Variants in PDE3A observed in about 807,000 individuals in gnomAD.
The protein encoded by PDE3A is cGMP-inhibited 3',5'-cyclic phosphodiesterase 3A.
PDE3A carries 43 observed loss-of-function variants against 98.3 expected under a neutral mutation model. The ratio of observed to expected loss-of-function variants is 0.44; its 90% CI spans 0.34 to 0.56. PDE3A has a LOEUF of 0.56. PDE3A is among the 20% of genes least tolerant of loss of function. The pLI is 0.01. For missense variants in PDE3A, 1,427 were observed against 1,440.7 expected, an observed-to-expected ratio of 0.99 and a Z score of 0.15; for synonymous variants, 663 against 567.9, an observed-to-expected ratio of 1.17 and a Z score of -2.38.
At chr12:20,551,029 T>C (rs902384699) in intron 1 of PDE3A, among the ~76,000 whole-genome samples, 1 of 150,676 alleles carries the variant, frequency 6.6e-6, no homozygotes, top group African/African-American at 2.4e-5. Context: ...ACAATGTGTA[T>C]AAATATATAT....
chr12:20,400,500 T>G (rs1274795209), intron 1 of PDE3A, among the ~76,000 whole-genome samples: 1 of 146,948 alleles, frequency 6.8e-6, no homozygotes, highest in Non-Finnish European at 1.5e-5. Flanking sequence ...TCCACCTCCC[T>G]GGTTCACACC....
intron 10 of PDE3A, among the ~76,000 whole-genome samples, chr12:20,643,766 T>G (rs1004763860): frequency 7.9e-5 from 12 of 152,202 alleles, no homozygotes; most frequent in South Asian, 2.1e-4. Context: ...CTTCTTGTAT[T>G]TTCGGCACTA....
At chr12:20,429,870 T>A (rs1044834090) in intron 1 of PDE3A, among the ~76,000 whole-genome samples, 1 of 150,082 alleles carries the variant, frequency 6.7e-6, no homozygotes, top group African/African-American at 2.5e-5. Context: ...TTTTTTTTTT[T>A]ATGTCATTTT....
chr12:20,678,113 G>A (rs1188511496), intron 15 of PDE3A, among the ~76,000 whole-genome samples: 1 of 152,134 alleles, frequency 6.6e-6, no homozygotes, highest in African/African-American at 2.4e-5. Flanking sequence ...GCAGCTCTCT[G>A]TATCAGTTTC....
At chr12:20,410,983 C>T (rs576990984) in intron 1 of PDE3A, among the ~76,000 whole-genome samples, 4 of 152,332 alleles carry the variant, frequency 2.6e-5, no homozygotes, top group African/African-American at 9.6e-5. Context: ...AATTCATGCT[C>T]TTCTGCCTTG....
In PDE3A at chr12:20,386,261, A is replaced by ATATAT. The variant is rs1266823767; in HGVS notation, c.960+16032_960+16036dup. 2.8e-3 allele frequency among the ~76,000 whole-genome samples: 375 copies of ATATAT among 133,580 alleles called. 3 individuals carry two copies. The highest frequency in any genetic ancestry group is 4.3e-3 in the Non-Finnish European group (282 of 64,896). The allele number at this position is 133,580 out of a possible 152,430, so 87.6% of individuals were successfully genotyped here. On this transcript the variant is annotated intron_variant, in intron 1 of 15. Transcript: ENST00000359062. ...AAATATAAATATATTAATTATATTA[A>ATATAT]TATATTATATTATATTATAGTATAT...
At chr12:20,673,288 G>A (rs1054200453) in intron 15 of PDE3A, among the ~76,000 whole-genome samples, 1 of 150,912 alleles carries the variant, frequency 6.6e-6, no homozygotes, top group Non-Finnish European at 1.5e-5. Context: ...GGAAGTCAGT[G>A]TGGCGATTCC....
intron 1 of PDE3A, among the ~76,000 whole-genome samples, chr12:20,523,121 A>G (rs558143153): frequency 1.3e-5 from 2 of 152,200 alleles, no homozygotes; most frequent in East Asian, 3.9e-4. Flanking sequence ...GATAAGTAAT[A>G]TTTTGCTATG....
intron 2 of PDE3A, among the ~76,000 whole-genome samples, chr12:20,609,075 A>G (rs1029225957): frequency 3.9e-5 from 6 of 152,048 alleles, no homozygotes; most frequent in African/African-American, 1.4e-4. Context: ...CTAAAAGGGA[A>G]TGTTAGCTAA....
intron 1 of PDE3A, among the ~76,000 whole-genome samples, chr12:20,420,945 T>C (rs1235169855): frequency 1.3e-5 from 2 of 152,216 alleles, no homozygotes; most frequent in African/African-American, 4.8e-5. Flanking sequence ...TATACGAGTG[T>C]TGGACTTGTT....
Position 20,685,092 on chromosome 12 carries a change from C to G in PDE3A, c.*4821C>G, listed in dbSNP as rs1261592978. 6.6e-6 allele frequency among the ~76,000 whole-genome samples: 1 copy of G among 152,160 alleles called. No homozygotes were observed. Among genetic ancestry groups the G allele is most frequent in the African/African-American group, 2.4e-5 (1 of 41,444 alleles). On this transcript the variant is annotated 3_prime_UTR_variant, in exon 16 of 16. Coordinates refer to ENST00000359062, the MANE Select transcript of PDE3A (RefSeq NM_000921.5). ...TGTTCCCACCAGCAAATCATTCTAACAGCAGGCTAACAATGGTGAAGTAAA... is the reference window on the plus strand; with the variant it reads ...TGTTCCCACCAGCAAATCATTCTAAGAGCAGGCTAACAATGGTGAAGTAAA...
At chr12:20,437,053 TTGTGTGTGTG>T in intron 1 of PDE3A, among the ~76,000 whole-genome samples, 1 of 149,914 alleles carries the variant, frequency 6.7e-6, no homozygotes, top group East Asian at 2.0e-4. Flanking sequence ...AAATTTAAGA[TTGTGTGTGTG>T]TGTGTGTGTG....
chr12:20,665,350 C>T (rs1003011727), intron 15 of PDE3A, among the ~76,000 whole-genome samples: 2 of 151,984 alleles, frequency 1.3e-5, no homozygotes, highest in Non-Finnish European at 2.9e-5. Context: ...ATATTTTTTT[C>T]TGTTTAAATT....
chr12:20,551,353 T>A (rs1942191629), intron 1 of PDE3A, among the ~76,000 whole-genome samples: 1 of 152,046 alleles, frequency 6.6e-6, no homozygotes, highest in South Asian at 2.1e-4. Flanking sequence ...GCAAATACTC[T>A]AAAGTTTTAT....
chr12:20,597,388 G>A (rs1446378470), intron 2 of PDE3A, among the ~76,000 whole-genome samples: 2 of 152,138 alleles, frequency 1.3e-5, no homozygotes, highest in African/African-American at 4.8e-5. Flanking sequence ...GAGACTTATA[G>A]GGGCTCAAGA....
intron 1 of PDE3A, among the ~76,000 whole-genome samples, chr12:20,422,293 A>T (rs546241239): frequency 6.6e-6 from 1 of 152,026 alleles, no homozygotes; most frequent in Non-Finnish European, 1.5e-5. Flanking sequence ...GCAGTGAGCC[A>T]AGATCGCACC....
At position 20,499,507 on chromosome 12, in the gene PDE3A, G is replaced by A. The variant is rs12322107; in HGVS notation, c.961-57153G>A. Among the ~76,000 whole-genome samples the A allele has an allele frequency of 8.2e-3, 1,252 of 152,148 alleles. 21 individuals carry two copies. The highest frequency in any genetic ancestry group is 0.029 in the African/African-American group (1,202 of 41,484). On this transcript the variant is annotated intron_variant, in intron 1 of 15. Transcript: ENST00000359062. ...TTTATGATATAACATATATTTAAGG[G>A]TCAACTGTTAGTATTCATATAATTA...
intron 1 of PDE3A, among the ~76,000 whole-genome samples, chr12:20,401,005 G>A (rs1422826322): frequency 6.6e-6 from 1 of 152,168 alleles, no homozygotes; most frequent in Non-Finnish European, 1.5e-5. Context: ...CAGAGGCTGG[G>A]TTTGGGTCCG....
intron 1 of PDE3A, among the ~76,000 whole-genome samples, chr12:20,474,982 G>A (rs12314380): frequency 0.13 from 20,265 of 151,874 alleles, 3,608 homozygotes; most frequent in African/African-American, 0.41. Context: ...TTTTGGTGGA[G>A]ATGGTAGTGA....
Sources: gnomAD v4.1 joint callset for allele counts (sites outside exome capture counted in the v4.1 genomes callset) on GRCh38, gnomAD v4.1.1 for gene constraint, MANE v1.5 for transcripts, NCBI Gene and HGNC (gene_info 2026-07-23, HGNC 2026-07-21) for gene names.